Variants in WNK2 observed in about 807,000 individuals in gnomAD.
WNK2 encodes WNK lysine deficient protein kinase 2.
In WNK2, 67 loss-of-function variants were observed where a neutral mutation model predicts 192.1. That is an observed-to-expected ratio of 0.35 (90% CI 0.29 to 0.43). The LOEUF (loss-of-function observed/expected upper bound fraction) is 0.43, where lower values mean the gene tolerates loss of function less well. Ranked by LOEUF, WNK2 falls within the 20% of genes least tolerant of loss-of-function variation. The pLI, the probability that WNK2 is intolerant of heterozygous loss-of-function variation, is 1.00. For synonymous variants in WNK2, 1,439 were observed against 1,393.9 expected, an observed-to-expected ratio of 1.03 and a Z score of -0.72; for missense variants, 2,698 against 3,089.7, an observed-to-expected ratio of 0.87 and a Z score of 3.01.
intron 2 of WNK2, among the ~76,000 whole-genome samples, chr9:93,210,301 G>T (rs1490231764): frequency 6.6e-6 from 1 of 151,836 alleles, no homozygotes; most frequent in African/African-American, 2.4e-5. Flanking sequence ...GGATGGGCAG[G>T]GTGGGCAGGG....
intron 2 of WNK2, among the ~76,000 whole-genome samples, chr9:93,211,829 C>T (rs1427544104): frequency 2.0e-5 from 3 of 151,282 alleles, no homozygotes; most frequent in Non-Finnish European, 4.4e-5. Flanking sequence ...ACTCACTCAT[C>T]TACTCCTCGC....
intron 7 of WNK2, among the ~76,000 whole-genome samples, chr9:93,240,820 G>A (rs142620497): frequency 3.3e-5 from 5 of 152,190 alleles, no homozygotes; most frequent in African/African-American, 1.2e-4. Flanking sequence ...GCCCACATGT[G>A]CTATTAAAAT....
chr9:93,254,481 C>A (rs567846813), intron 9 of WNK2, among the ~76,000 whole-genome samples: 21 of 152,328 alleles, frequency 1.4e-4, no homozygotes, highest in Non-Finnish European at 1.3e-4. Context: ...CCCTTGCATG[C>A]GGGACCAGCC....
At chr9:93,249,804 G>C (rs190078038) in intron 8 of WNK2, among the ~76,000 whole-genome samples, 239 of 151,016 alleles carry the variant, frequency 1.6e-3, no homozygotes, top group Middle Eastern at 6.9e-3. Flanking sequence ...GTTCATTGCG[G>C]TTTCTTTAAA....
chr9:93,213,806 A>G (rs1353447925), intron 2 of WNK2, among the ~76,000 whole-genome samples: 1 of 152,168 alleles, frequency 6.6e-6, no homozygotes, highest in Non-Finnish European at 1.5e-5. Context: ...AAAACAAAAC[A>G]AAACAAAAAG....
intron 2 of WNK2, among the ~76,000 whole-genome samples, chr9:93,198,023 T>C (rs887509992): frequency 1.3e-5 from 2 of 152,194 alleles, no homozygotes; most frequent in African/African-American, 4.8e-5. Flanking sequence ...AGGGAGGTGC[T>C]GTGATTCCCC....
At chr9:93,202,392 C>T (rs1490556365) in intron 2 of WNK2, among the ~76,000 whole-genome samples, 4 of 148,178 alleles carry the variant, frequency 2.7e-5, no homozygotes, top group African/African-American at 1.0e-4. Flanking sequence ...GCTCGTTTGC[C>T]AGGGAATGGC....
intron 23 of WNK2, among the ~76,000 whole-genome samples, chr9:93,294,437 A>G (rs1021313850): frequency 6.6e-6 from 1 of 152,150 alleles, no homozygotes; most frequent in South Asian, 2.1e-4. Context: ...GAGTGGATGG[A>G]GCCCAAGGTG....
chr9:93,218,797 G>A (rs192525826), intron 2 of WNK2, among the ~76,000 whole-genome samples: 31 of 152,262 alleles, frequency 2.0e-4, no homozygotes, highest in Non-Finnish European at 3.5e-4. Flanking sequence ...GGGCTGCCCC[G>A]GCTTCCTGGG....
At chr9:93,206,174 T>C (rs1334065949) in intron 2 of WNK2, among the ~76,000 whole-genome samples, 2 of 152,204 alleles carry the variant, frequency 1.3e-5, no homozygotes, top group African/African-American at 4.8e-5. Context: ...CCAAGGCCCA[T>C]GTGGACAGTG....
intron 2 of WNK2, among the ~76,000 whole-genome samples, chr9:93,210,261 T>G (rs1587903947): frequency 5.7e-5 from 3 of 52,248 alleles, no homozygotes; most frequent in African/African-American, 1.5e-4. Context: ...TCGAGGGAGG[T>G]GGGGCTATTC....
intron 18 of WNK2, among the ~76,000 whole-genome samples, chr9:93,268,405 C>G (rs972918217): frequency 5.3e-5 from 8 of 152,196 alleles, no homozygotes; most frequent in African/African-American, 1.9e-4. Flanking sequence ...ACCAGGGCCT[C>G]TTTACCAAGG....
At position 93,262,035 on chromosome 9, in the gene WNK2, A is replaced by G. The variant is rs957542437; in HGVS notation, c.3288A>G (p.Pro1096=). The part of the protein sequence containing the change: ...QTATLLPPAN[P]PLPGGPGIAS... Reference sequence around the variant, plus strand: ...CCACACTTCTGCCACCAGCAAACCCACCGCTGCCTGGCGGGCCCGGGATCG... The same window carrying G: ...CCACACTTCTGCCACCAGCAAACCCGCCGCTGCCTGGCGGGCCCGGGATCG... Residue 1096 remains proline (P), a synonymous_variant, in exon 13 of 30, where the codon CCA becomes CCG. Transcript: ENST00000427277. 6.2e-7 allele frequency: 1 copy of G among 1,610,226 alleles called. No individual in the cohort carries two copies. Among genetic ancestry groups the G allele is most frequent in the African/African-American group, 1.3e-5 (1 of 74,800 alleles).
intron 2 of WNK2, among the ~76,000 whole-genome samples, chr9:93,192,605 C>T (rs1298154023): frequency 6.6e-6 from 1 of 151,936 alleles, no homozygotes; most frequent in Non-Finnish European, 1.5e-5. Flanking sequence ...GGGAGGAGCT[C>T]ATTACCCTGC....
At position 93,293,029 on chromosome 9, in the gene WNK2, C is replaced by T; in HGVS notation, c.5564C>T (p.Pro1855Leu). 6.2e-7 allele frequency: 1 copy of T among 1,605,764 alleles called. No homozygotes were observed. Among genetic ancestry groups the T allele is most frequent in the South Asian group, 1.1e-5 (1 of 90,600 alleles). ...QRPSRAGSLGPETPSRVGMKV... is the reference protein window; with the variant it reads ...QRPSRAGSLGLETPSRVGMKV... ...CCTTCTCGGGCCGGCTCGCTGGGCC[C>T]CGAGACACCCAGCAGGGTGGGCATG... Residue 1855 changes from proline to leucine, a missense_variant, in exon 23 of 30, where the codon CCC becomes CTC. Physicochemically the swap from Pro to Leu is moderately conservative, Grantham distance 98. This residue lies in a region of WNK2 where 1,098 missense variants were observed against 1,101.0 expected (regional missense o/e 1.00). Transcript: ENST00000427277.
intron 26 of WNK2, among the ~76,000 whole-genome samples, chr9:93,304,690 G>A (rs112281194): frequency 0.025 from 3,777 of 152,380 alleles, 69 homozygotes; most frequent in Non-Finnish European, 0.039. Context: ...GGCAAGTGAG[G>A]GGCAGGGCCC....
intron 19 of WNK2, among the ~76,000 whole-genome samples, chr9:93,273,648 T>G (rs1198624089): frequency 6.6e-6 from 1 of 152,204 alleles, no homozygotes; most frequent in African/African-American, 2.4e-5. Flanking sequence ...ATAGAAGATC[T>G]GAAAACACTA....
In WNK2 at chr9:93,317,845, C is replaced by T. The variant is rs749447431; in HGVS notation, c.6628+214C>T. On this transcript the variant is annotated intron_variant, in intron 29 of 29. Transcript: ENST00000427277. Reference sequence around the variant, plus strand: ...ATGCCTGGCCCCCGGCTGCGGATCACGTAGCCTTCTGCCCTGTCCCTTGCC... The same window carrying T: ...ATGCCTGGCCCCCGGCTGCGGATCATGTAGCCTTCTGCCCTGTCCCTTGCC... 10 of 1,523,064 alleles carry T rather than the reference C, an allele frequency of 6.6e-6. No individual in the cohort carries two copies. The East Asian group carries it at 1.2e-4, about 18-fold the overall frequency. 94.3% of individuals were successfully genotyped at this position (1,523,064 alleles called of 1,614,324 possible).
chr9:93,281,652 G>A (rs189265960), intron 19 of WNK2, among the ~76,000 whole-genome samples: 82 of 152,302 alleles, frequency 5.4e-4, no homozygotes, highest in Middle Eastern at 6.8e-3. Context: ...TGGAAGGCAT[G>A]AAGCCACTAA....
Sources: gnomAD v4.1 joint callset for allele counts (sites outside exome capture counted in the v4.1 genomes callset) on GRCh38, gnomAD v4.1.1 for gene constraint, gnomAD v4.1.1 regional missense constraint, MANE v1.5 for transcripts, NCBI Gene and HGNC (gene_info 2026-07-23, HGNC 2026-07-21) for gene names.